The following DNASE1L3 variants were observed in gnomAD, a reference collection of about 807,000 sequenced individuals.
DNASE1L3 encodes the protein deoxyribonuclease 1L3.
DNASE1L3 carries 27 observed loss-of-function variants against 30.9 expected under a neutral mutation model. That is an observed-to-expected ratio of 0.87 (90% CI 0.64 to 1.20). The LOEUF (loss-of-function observed/expected upper bound fraction) is 1.20. Among genes scored for constraint, DNASE1L3 ranks in the 50% most tolerant of loss-of-function variants. The pLI, the probability that DNASE1L3 is intolerant of heterozygous loss-of-function variation, is 0.00. For synonymous variants in DNASE1L3, 135 were observed against 138.0 expected (o/e 0.98, Z 0.15); for missense variants, 364 against 378.2 (o/e 0.96, Z 0.31).
At chr3:58,209,963 G>C (rs796561071) in intron 1 of DNASE1L3, among the ~76,000 whole-genome samples, 7 of 152,310 alleles carry the variant, frequency 4.6e-5, no homozygotes, top group African/African-American at 1.7e-4. Context: ...ATTGACTCCA[G>C]AGAAAGCAAG....
chr3:58,193,455 G>A lies in DNASE1L3; in HGVS notation c.705-16C>T. 1 of 1,602,296 alleles carries A rather than the reference G, an allele frequency of 6.2e-7. No individual in the cohort carries two copies. The highest frequency in any genetic ancestry group is 2.2e-5 in the East Asian group (1 of 44,680). ...AAGCACAATCCTGGAACAAGGGGAG[G>A]GAAAACAGTTGTGTTAATCCAACCT... On this transcript the variant is annotated splice_polypyrimidine_tract_variant and intron_variant, in intron 6 of 7. Coordinates refer to ENST00000394549, the MANE Select transcript of DNASE1L3 (RefSeq NM_004944.4).
At chr3:58,199,764 A>T (rs768798073) in intron 5 of DNASE1L3, among the ~76,000 whole-genome samples, 13 of 151,976 alleles carry the variant, frequency 8.6e-5, no homozygotes, top group Non-Finnish European at 1.6e-4. Flanking sequence ...ACAGCCCAAC[A>T]CTCAATAGAT....
At chr3:58,195,438 C>T (rs980663517) in intron 6 of DNASE1L3, among the ~76,000 whole-genome samples, 2 of 151,704 alleles carry the variant, frequency 1.3e-5, no homozygotes, top group Admixed American at 6.6e-5. Context: ...GCTGGGATTA[C>T]AGCATATGCC....
intron 3 of DNASE1L3, 63 bp downstream of exon 3, chr3:58,205,408 G>A: frequency 1.4e-6 from 2 of 1,408,292 alleles, no homozygotes; most frequent in South Asian, 2.3e-5. Flanking sequence ...GAAAAGACAT[G>A]CATTTTGATT....
At chr3:58,196,551 T>TAAA (rs60743972) in intron 6 of DNASE1L3, among the ~76,000 whole-genome samples, 5 of 60,732 alleles carry the variant, frequency 8.2e-5, no homozygotes, top group Non-Finnish European at 3.0e-5. Context: ...AGACTCTGTC[T>TAAA]AAAAAAAAAA....
chr3:58,208,179 G>T, intron 2 of DNASE1L3, 39 bp downstream of exon 2: 2 of 1,599,152 alleles, frequency 1.3e-6, no homozygotes, highest in Non-Finnish European at 1.7e-6. Flanking sequence ...CCTTGCACTT[G>T]ACCTTGAGCC....
chr3:58,193,235 C>G (rs778013909), intron 7 of DNASE1L3, 108 bp downstream of exon 7: 86 of 1,472,820 alleles, frequency 5.8e-5, no homozygotes, highest in Non-Finnish European at 7.0e-5. Flanking sequence ...CATCACCATG[C>G]CCAGCTAATT....
chr3:58,208,206 T>C lies in DNASE1L3; in HGVS notation c.230+12A>G. ...CCTTGAGCCCTAGAGGGCCCACCCT[T>C]CCCCATGTTACCTGTTCAGCTTCTC... On this transcript the variant is annotated intron_variant, in intron 2 of 7. Transcript: ENST00000394549. The C allele has an allele frequency of 3.7e-6, 6 of 1,613,686 alleles. No homozygotes were observed. The highest frequency in any genetic ancestry group is 4.2e-6 in the Non-Finnish European group (5 of 1,179,622).
intron 1 of DNASE1L3, among the ~76,000 whole-genome samples, chr3:58,210,508 G>C (rs1275064004): frequency 6.6e-6 from 1 of 152,198 alleles, no homozygotes; most frequent in African/African-American, 2.4e-5. Flanking sequence ...AACGTATAAT[G>C]AGCCAGATAC....
At chr3:58,207,406 T>C (rs1225213733) in intron 2 of DNASE1L3, among the ~76,000 whole-genome samples, 5 of 147,566 alleles carry the variant, frequency 3.4e-5, no homozygotes, top group Non-Finnish European at 7.4e-5. Context: ...CCCTCACTCC[T>C]TCACTAACCC....
intron 1 of DNASE1L3, among the ~76,000 whole-genome samples, 176 bp downstream of exon 1, chr3:58,210,590 C>T (rs557770825): frequency 6.6e-6 from 1 of 152,210 alleles, no homozygotes; most frequent in Admixed American, 6.5e-5. Flanking sequence ...ATTGTTATCA[C>T]CCCTGTTTTA....
intron 3 of DNASE1L3, 82 bp downstream of exon 3, chr3:58,205,389 G>T: frequency 3.3e-6 from 4 of 1,220,018 alleles, no homozygotes; most frequent in South Asian, 1.2e-5. Flanking sequence ...ATCAAAATTT[G>T]GTTTTGAAGA....
intron 6 of DNASE1L3, among the ~76,000 whole-genome samples, chr3:58,196,551 TAAAAAAAA>T (rs60743972): frequency 6.6e-5 from 4 of 60,714 alleles, no homozygotes; most frequent in Non-Finnish European, 9.1e-5. Flanking sequence ...AGACTCTGTC[TAAAAAAAA>T]AAAAAAAAAA....
intron 6 of DNASE1L3, among the ~76,000 whole-genome samples, chr3:58,193,800 T>C (rs1337225132): frequency 6.6e-6 from 1 of 152,240 alleles, no homozygotes; most frequent in East Asian, 1.9e-4. Flanking sequence ...GATTTGATTA[T>C]GGAGAAATTC....
In DNASE1L3 at chr3:58,204,868, AC is replaced by A. The variant is rs1228730082; in HGVS notation, c.333del (p.Ser112LeufsTer2). On this transcript the variant is annotated frameshift_variant, in exon 4 of 8. Transcript: ENST00000394549. LOFTEE classifies it high-confidence loss of function. ...TGGTAGTGATAACTCCTCTTCACAG[AC>A]ACCAGCTTTTCCCTATAAGAAGGAA... Reference protein sequence around the residue: ...QYAFLYKEKLVSVKRSYHYHD... With the variant: ...QYAFLYKEKLXSVKRSYHYHD... The A allele has an allele frequency of 1.2e-6, 2 of 1,614,002 alleles. No individual in the cohort carries two copies. Among genetic ancestry groups the A allele is most frequent in the Non-Finnish European group, 1.7e-6 (2 of 1,180,002 alleles).
intron 3 of DNASE1L3, among the ~76,000 whole-genome samples, chr3:58,205,232 A>G (rs2097403152): frequency 6.6e-6 from 1 of 152,198 alleles, no homozygotes; most frequent in Admixed American, 6.5e-5. Context: ...TGAGGAGTAA[A>G]GAACACCTGG....
intron 2 of DNASE1L3, among the ~76,000 whole-genome samples, chr3:58,206,634 G>C (rs945936322): frequency 1.3e-5 from 2 of 152,186 alleles, no homozygotes; most frequent in Non-Finnish European, 2.9e-5. Context: ...GTTGGGGTGT[G>C]CCAAGACCAC....
chr3:58,201,225 C>T, intron 4 of DNASE1L3, 116 bp from the exon 5 acceptor site: 3 of 679,080 alleles, frequency 4.4e-6, no homozygotes, highest in Non-Finnish European at 7.0e-6. Flanking sequence ...TATCTGGGTC[C>T]CCAGTTCCCA....
intron 1 of DNASE1L3, among the ~76,000 whole-genome samples, chr3:58,210,435 T>C (rs1385276922): frequency 1.3e-5 from 2 of 152,206 alleles, no homozygotes; most frequent in African/African-American, 2.4e-5. Flanking sequence ...CATGTGCTTA[T>C]AGTGCCTGAT....
Sources: allele counts gnomAD v4.1 joint callset (sites outside exome capture counted in the v4.1 genomes callset), GRCh38; gene constraint gnomAD v4.1.1; transcripts MANE v1.5; gene names NCBI Gene and HGNC (gene_info 2026-07-23, HGNC 2026-07-21).